The following ELAVL4 variants were observed in gnomAD, a reference collection of about 807,000 sequenced individuals.
ELAVL4 encodes ELAV-like protein 4.
ELAVL4 carries 1 observed loss-of-function variant against 35.6 expected under a neutral mutation model. The observed-to-expected ratio is 0.03, with a 90% CI of 0.01 to 0.13. The LOEUF (loss-of-function observed/expected upper bound fraction) is 0.13, where lower values mean the gene tolerates loss of function less well. Among genes scored for constraint, ELAVL4 ranks in the 10% least tolerant of loss-of-function variants. The pLI is 1.00. For synonymous variants in ELAVL4, 156 were observed against 171.0 expected (o/e 0.91, Z 0.69); for missense variants, 267 against 464.9 (o/e 0.57, Z 3.91).
In ELAVL4 at chr1:50,165,776, GTA is replaced by G. The variant is rs746821012; in HGVS notation, c.251-11307_251-11306del. 1.1e-3 allele frequency among the ~76,000 whole-genome samples: 152 copies of G among 138,216 alleles called. 3 individuals carry two copies. In the South Asian group the frequency reaches 0.024, roughly 22 times the overall value. The allele number at this position is 138,216 out of a possible 152,430, so 90.7% of individuals were successfully genotyped here. ...TATGTGTATATGTGTGTATATGTGT[GTA>G]TATATGTGTATATATATGTGTATAT... On this transcript the variant is annotated intron_variant, in intron 2 of 6. Transcript: ENST00000371824.
chr1:50,174,989 ACG>A (rs1378299773), intron 2 of ELAVL4, among the ~76,000 whole-genome samples: 1 of 152,142 alleles, frequency 6.6e-6, no homozygotes, highest in Non-Finnish European at 1.5e-5. Context: ...TTTTAATTTT[ACG>A]CAAATTAAAT....
rs1373057170 is a variant in ELAVL4, at chr1:50,061,148, C to T, written c.18+12966C>T. On this transcript the variant is annotated intron_variant, in intron 1 of 6. Transcript: ENST00000448907. Reference sequence around the variant, plus strand: ...CTTATGATGCTCTGCGCTTAACTGTCAGTGAACAAAAGTGATGGAGAAGAT... The same window carrying T: ...CTTATGATGCTCTGCGCTTAACTGTTAGTGAACAAAAGTGATGGAGAAGAT... Among the ~76,000 whole-genome samples the T allele has an allele frequency of 2.0e-5, 3 of 152,210 alleles. No homozygotes were observed. The East Asian group carries it at 5.8e-4, about 29-fold the overall frequency.
chr1:50,118,889 A>G (rs1374179343), intron 1 of ELAVL4, among the ~76,000 whole-genome samples: 1 of 139,538 alleles, frequency 7.2e-6, no homozygotes, highest in South Asian at 2.6e-4. Context: ...GGAAGGGGTT[A>G]TTAGTTGATC....
At chr1:50,176,020 GTGTT>G (rs1352420847) in intron 2 of ELAVL4, among the ~76,000 whole-genome samples, 1 of 152,202 alleles carries the variant, frequency 6.6e-6, no homozygotes, top group Admixed American at 6.5e-5. Context: ...CCCAAGCTCT[GTGTT>G]TCTTAAAGGG....
chr1:50,058,323 T>C (rs1451960430), intron 1 of ELAVL4, among the ~76,000 whole-genome samples: 5 of 152,086 alleles, frequency 3.3e-5, no homozygotes, highest in Non-Finnish European at 7.4e-5. Context: ...GAGCACTAGA[T>C]TGATGTGAGA....
chr1:50,066,742 A>G (rs1383434612), intron 1 of ELAVL4, among the ~76,000 whole-genome samples: 1 of 152,124 alleles, frequency 6.6e-6, no homozygotes, highest in Non-Finnish European at 1.5e-5. Context: ...GCTTTCTATA[A>G]TTAATATTCT....
chr1:50,080,804 T>C (rs879752968), intron 1 of ELAVL4, among the ~76,000 whole-genome samples: 1 of 152,076 alleles, frequency 6.6e-6, no homozygotes, highest in Non-Finnish European at 1.5e-5. Flanking sequence ...CTGCCTTTCC[T>C]CCAAGACAGT....
At chr1:50,194,504 G>C (rs1055630568) in intron 4 of ELAVL4, among the ~76,000 whole-genome samples, 6 of 152,166 alleles carry the variant, frequency 3.9e-5, no homozygotes, top group African/African-American at 1.4e-4. Context: ...TAATGACAAG[G>C]TGTTTTCGCC....
At chr1:50,161,171 A>G (rs1056121230) in intron 2 of ELAVL4, among the ~76,000 whole-genome samples, 1 of 152,066 alleles carries the variant, frequency 6.6e-6, no homozygotes, top group Non-Finnish European at 1.5e-5. Context: ...CCTTTGTTTC[A>G]TGTGAGAGTA....
At chr1:50,151,891 C>T (rs1384173425) in intron 2 of ELAVL4, among the ~76,000 whole-genome samples, 2 of 152,038 alleles carry the variant, frequency 1.3e-5, no homozygotes, top group South Asian at 2.1e-4. Context: ...GATTTGGCAG[C>T]CTAATGGGGT....
upstream of ELAVL4, chr1:50,103,905 G>T (rs1477401163): frequency 1.2e-6 from 2 of 1,611,828 alleles, no homozygotes; most frequent in Non-Finnish European, 1.7e-6. Flanking sequence ...GAAGAGAGAG[G>T]CTCAGTCTGA....
At chr1:50,104,898 A>T (rs1396547484), upstream of ELAVL4, among the ~76,000 whole-genome samples, 1 of 152,224 alleles carries the variant, frequency 6.6e-6, no homozygotes, top group African/African-American at 2.4e-5. Context: ...ATAGAGTGAT[A>T]CAAAGGAGAT....
intron 3 of ELAVL4, among the ~76,000 whole-genome samples, chr1:50,178,817 C>T (rs1007829859): frequency 5.9e-5 from 9 of 152,162 alleles, no homozygotes; most frequent in African/African-American, 1.9e-4. Flanking sequence ...CTGTGCTATC[C>T]AGTTCAGCAT....
At position 50,109,016 on chromosome 1, in the gene ELAVL4, C is replaced by CGGGGGGGGGGGCGG; in HGVS notation, c.-174_-173insGGGGGGGGGGGCGG. On this transcript the variant is annotated 5_prime_UTR_variant, in exon 1 of 7. Coordinates refer to ENST00000371824, the MANE Select transcript of ELAVL4 (RefSeq NM_001144774.3). ...CTCCTTTTCTTTTTTTTCTTTCTCT[C>CGGGGGGGGGGGCGG]CCCCGCCCACCCCCCCAAAAATAAT... The CGGGGGGGGGGGCGG allele has an allele frequency of 1.1e-6, 1 of 905,766 alleles. No individual in the cohort carries two copies. The highest frequency in any genetic ancestry group is 1.3e-6 in the Non-Finnish European group (1 of 761,384). 56.1% of individuals were successfully genotyped at this position (905,766 alleles called of 1,614,324 possible). A position where few individuals can be genotyped will look rare whatever the true frequency, so the allele number is the denominator to read the frequency against.
intron 1 of ELAVL4, among the ~76,000 whole-genome samples, chr1:50,113,102 TTGAA>T (rs1245633154): frequency 2.6e-5 from 4 of 152,076 alleles, no homozygotes; most frequent in Admixed American, 1.3e-4. Flanking sequence ...AAATTATTGT[TTGAA>T]TGGTGCTTTG....
At chr1:50,080,436 A>T (rs771483347) in intron 1 of ELAVL4, among the ~76,000 whole-genome samples, 5 of 152,114 alleles carry the variant, frequency 3.3e-5, no homozygotes, top group Admixed American at 6.6e-5. Context: ...ACACACACAC[A>T]CACTCACACA....
intron 1 of ELAVL4, chr1:50,115,281 T>C (rs1667756722): frequency 6.6e-6 from 1 of 152,156 alleles, no homozygotes; most frequent in South Asian, 2.1e-4. Context: ...AAGGAATCCT[T>C]AAATAAATTT....
At chr1:50,149,039 T>G (rs990886976) in intron 2 of ELAVL4, among the ~76,000 whole-genome samples, 2 of 152,106 alleles carry the variant, frequency 1.3e-5, no homozygotes, top group African/African-American at 4.8e-5. Flanking sequence ...TTTTGCATTT[T>G]TATAAGTGTT....
In ELAVL4 at chr1:50,048,667, G is replaced by GC. The variant is rs531635680; in HGVS notation, c.18+489dup. On this transcript the variant is annotated intron_variant, in intron 1 of 6. Transcript: ENST00000448907. Reference sequence around the variant, plus strand: ...GCGCGCGGACTTGGATCCTCAGGGGGCCCCTCTGTGTGACTTTCGCTAATT... The same window carrying GC: ...GCGCGCGGACTTGGATCCTCAGGGGGCCCCCTCTGTGTGACTTTCGCTAATT... 2.2e-3 allele frequency among the ~76,000 whole-genome samples: 341 copies of GC among 152,322 alleles called. 2 individuals carry two copies. Among genetic ancestry groups the GC allele is most frequent in the African/African-American group, 8.0e-3 (332 of 41,580 alleles).
Sources: gnomAD v4.1 joint callset for allele counts (sites outside exome capture counted in the v4.1 genomes callset) on GRCh38, gnomAD v4.1.1 for gene constraint, MANE v1.5 for transcripts, NCBI Gene and HGNC (gene_info 2026-07-23, HGNC 2026-07-21) for gene names.